The following ASTN1 variants were observed in gnomAD, a reference collection of about 807,000 sequenced individuals.
ASTN1 encodes the protein astrotactin 1.
A neutral mutation model predicts 140.7 loss-of-function variants in ASTN1; 41 were observed. The ratio of observed to expected loss-of-function variants is 0.29; its 90% CI spans 0.23 to 0.38. The LOEUF is 0.38. Among genes scored for constraint, ASTN1 ranks in the 10% least tolerant of loss-of-function variants. ASTN1 has a pLI of 1.00. For synonymous variants in ASTN1, 640 were observed against 652.2 expected (o/e 0.98, Z 0.29); for missense variants, 1,479 against 1,678.8 (o/e 0.88, Z 2.08).
At chr1:177,138,952 A>C (rs1374776559) in intron 1 of ASTN1, among the ~76,000 whole-genome samples, 33 of 152,194 alleles carry the variant, frequency 2.2e-4, no homozygotes, top group Admixed American at 2.2e-3. Context: ...TAAGTGGTGG[A>C]TTCTCTGACA....
chr1:177,164,077 G>C (rs1647549325), intron 1 of ASTN1, among the ~76,000 whole-genome samples: 1 of 152,146 alleles, frequency 6.6e-6, no homozygotes, highest in South Asian at 2.1e-4. Context: ...AAAAAGTGCT[G>C]TGTGGATGTG....
At chr1:177,034,021 T>G (rs1676584746) in intron 2 of ASTN1, among the ~76,000 whole-genome samples, 1 of 152,050 alleles carries the variant, frequency 6.6e-6, no homozygotes, top group African/African-American at 2.4e-5. Context: ...TCTCTCAACC[T>G]TAGGCTTCAA....
intron 22 of ASTN1, among the ~76,000 whole-genome samples, chr1:176,868,607 T>C (rs748201174): frequency 4.6e-5 from 7 of 152,130 alleles, no homozygotes; most frequent in Non-Finnish European, 1.0e-4. Context: ...GCAAAATAGG[T>C]CAAGAGCAAA....
intron 8 of ASTN1, among the ~76,000 whole-genome samples, chr1:176,978,436 T>G (rs1330969024): frequency 2.0e-5 from 3 of 152,168 alleles, no homozygotes; most frequent in Non-Finnish European, 2.9e-5. Flanking sequence ...AGGATCTGAA[T>G]TCAGTGGGAA....
In ASTN1 at chr1:177,061,185, T is replaced by C. The variant is rs147902881; in HGVS notation, c.364A>G (p.Ile122Val). The C allele has an allele frequency of 3.3e-5, 53 of 1,610,924 alleles. No homozygotes were observed. Among genetic ancestry groups the C allele is most frequent in the Middle Eastern group, 1.7e-4 (1 of 6,060 alleles). ...CTTGGGGCACCATCTTGGTGATGAATGTGAAAAAGCAAAGTGCCATTCTCC... is the reference window on the plus strand; with the variant it reads ...CTTGGGGCACCATCTTGGTGATGAACGTGAAAAAGCAAAGTGCCATTCTCC... The part of the protein sequence containing the change: ...WLENGTLLFH[I>V]HHQDGAPSLP... The change falls in exon 2 of 23, where the codon ATT becomes GTT. Residue 122 changes from isoleucine (I) to valine (V), a missense_variant. Physicochemically the swap from Ile to Val is conservative, Grantham distance 29. This residue lies in a region of ASTN1 where 729 missense variants were observed against 860.4 expected (regional missense o/e 0.85). Transcript: ENST00000361833.
rs568569815 is a variant in ASTN1, at chr1:176,873,203, G to C, written c.3463+3334C>G. Among the ~76,000 whole-genome samples the C allele has an allele frequency of 2.0e-5, 3 of 152,318 alleles. No individual in the cohort carries two copies. In the South Asian group the frequency reaches 6.2e-4, roughly 32 times the overall value. ...GGATAAACATTTATGTCTGCATCAG[G>C]AAGACAGAACAGGCATCAGGGAGGG... On this transcript the variant is annotated intron_variant, in intron 21 of 22. Transcript: ENST00000361833.
At chr1:177,041,739 G>A (rs1353481095) in intron 2 of ASTN1, among the ~76,000 whole-genome samples, 2 of 152,246 alleles carry the variant, frequency 1.3e-5, no homozygotes, top group Non-Finnish European at 2.9e-5. Flanking sequence ...TGCAGTATAT[G>A]CTAATGACCA....
chr1:177,103,892 C>T (rs2102136554), intron 1 of ASTN1, among the ~76,000 whole-genome samples: 1 of 152,258 alleles, frequency 6.6e-6, no homozygotes, highest in South Asian at 2.1e-4. Flanking sequence ...AAACTGGGTC[C>T]TTTTGTCTCT....
At chr1:177,085,000 A>G (rs987748195) in intron 1 of ASTN1, among the ~76,000 whole-genome samples, 2 of 152,196 alleles carry the variant, frequency 1.3e-5, no homozygotes, top group South Asian at 2.1e-4. Context: ...TGCTGAAGAC[A>G]TGGGTTGAGC....
At position 176,894,619 on chromosome 1, in the gene ASTN1, C is replaced by T; in HGVS notation, c.2883G>A (p.Leu961=). 2.5e-6 allele frequency: 4 copies of T among 1,614,136 alleles called. No homozygotes were observed. The highest frequency in any genetic ancestry group is 3.4e-6 in the Non-Finnish European group (4 of 1,180,034). The change falls in exon 17 of 23, where the codon CTG becomes CTA. Residue 961 remains leucine, a synonymous_variant. Transcript: ENST00000361833. ...AGATGGGGGCTGCTTTGGTCACCTC[C>T]AGCAGAACCGGCTCAGCAGGGGTGT... ...SPDTPAEPVL[L]EVTKAAPIYE...
intron 16 of ASTN1, among the ~76,000 whole-genome samples, chr1:176,911,918 A>T (rs771963400): frequency 6.6e-6 from 1 of 152,232 alleles, no homozygotes; most frequent in Non-Finnish European, 1.5e-5. Flanking sequence ...TACCACAGAC[A>T]TGAGAGTGAC....
At position 176,875,108 on chromosome 1, in the gene ASTN1, G is replaced by C. The variant is rs541435712; in HGVS notation, c.3463+1429C>G. 9.9e-5 allele frequency among the ~76,000 whole-genome samples: 15 copies of C among 152,284 alleles called. No homozygotes were observed. The East Asian group carries it at 2.9e-3, about 29-fold the overall frequency. ...TGGTACTGTGAGGATACCTTATTATGGCTCCTGGCCCTTTCTGCCCTGAGG... is the reference window on the plus strand; with the variant it reads ...TGGTACTGTGAGGATACCTTATTATCGCTCCTGGCCCTTTCTGCCCTGAGG... On this transcript the variant is annotated intron_variant, in intron 21 of 22. Transcript: ENST00000361833.
chr1:176,976,169 G>GTT (rs1281192803), intron 8 of ASTN1: 1 of 152,152 alleles, frequency 6.6e-6, no homozygotes, highest in Non-Finnish European at 1.5e-5. Context: ...AGGATCAACA[G>GTT]TTCCATGAAA....
At chr1:177,146,684 T>A (rs953516160) in intron 1 of ASTN1, among the ~76,000 whole-genome samples, 12 of 152,208 alleles carry the variant, frequency 7.9e-5, no homozygotes. Context: ...TTCCATAATA[T>A]GTTAATTTTT....
chr1:176,942,562 C>T (rs184111965), intron 14 of ASTN1, among the ~76,000 whole-genome samples: 92 of 151,838 alleles, frequency 6.1e-4, no homozygotes, highest in African/African-American at 8.9e-4. Context: ...AATCACTAAG[C>T]GAAAGGGAAA....
chr1:177,024,234 A>G (rs1443406554), intron 6 of ASTN1, among the ~76,000 whole-genome samples: 1 of 152,164 alleles, frequency 6.6e-6, no homozygotes, highest in East Asian at 1.9e-4. Flanking sequence ...AAACACCTCT[A>G]CTACTCCACT....
chr1:176,981,211 C>CAAAAAAAAAAAAAA (rs35209486), intron 8 of ASTN1, among the ~76,000 whole-genome samples: 1 of 24,058 alleles, frequency 4.2e-5, no homozygotes, highest in Non-Finnish European at 8.8e-5. Flanking sequence ...GACTCTGTCT[C>CAAAAAAAAAAAAAA]AAAAAAAAAA....
chr1:177,160,874 T>C (rs1414620110), intron 1 of ASTN1, among the ~76,000 whole-genome samples: 3 of 152,238 alleles, frequency 2.0e-5, no homozygotes, highest in Admixed American at 6.5e-5. Flanking sequence ...TTAGATTACA[T>C]GGCTTAGAGT....
At chr1:176,937,340 A>T (rs1671492614) in intron 14 of ASTN1, among the ~76,000 whole-genome samples, 2 of 152,354 alleles carry the variant, frequency 1.3e-5, no homozygotes, top group South Asian at 4.1e-4. Context: ...CCAAATATTG[A>T]GTGCCATCTC....
Sources: gnomAD v4.1 joint callset for allele counts (sites outside exome capture counted in the v4.1 genomes callset) on GRCh38, gnomAD v4.1.1 for gene constraint, gnomAD v4.1.1 regional missense constraint, MANE v1.5 for transcripts, NCBI Gene and HGNC (gene_info 2026-07-23, HGNC 2026-07-21) for gene names.